Variants in BNC2 observed in about 807,000 individuals in gnomAD.
BNC2 encodes zinc finger protein basonuclin-2.
In BNC2, 20 loss-of-function variants were observed where a neutral mutation model predicts 76.3. The ratio of observed to expected loss-of-function variants is 0.26; its 90% CI spans 0.18 to 0.38. BNC2 has a LOEUF of 0.38. BNC2 is among the 10% of genes least tolerant of loss of function. The pLI is 1.00. For synonymous variants in BNC2, 582 were observed against 514.8 expected (o/e 1.13, Z -1.77); for missense variants, 1,382 against 1,399.8 (o/e 0.99, Z 0.20).
intron 5 of BNC2, among the ~76,000 whole-genome samples, chr9:16,463,586 G>A (rs1821636699): frequency 1.4e-5 from 2 of 143,448 alleles, no homozygotes; most frequent in South Asian, 2.1e-4. Flanking sequence ...GTGAGCCACC[G>A]CGCCCGGCCA....
At chr9:16,617,213 T>C (rs1198536141) in intron 3 of BNC2, among the ~76,000 whole-genome samples, 2 of 152,112 alleles carry the variant, frequency 1.3e-5, no homozygotes, top group African/African-American at 2.4e-5. Flanking sequence ...GTACTTCTTA[T>C]AGAACAAACA....
At chr9:16,585,096 T>C (rs1310290523) in intron 3 of BNC2, among the ~76,000 whole-genome samples, 1 of 152,090 alleles carries the variant, frequency 6.6e-6, no homozygotes, top group East Asian at 1.9e-4. Context: ...TGATAATATT[T>C]AATTATTTTA....
Position 16,436,642 on chromosome 9 carries a change from C to A in BNC2, c.1552G>T (p.Ala518Ser). Residue 518 changes from alanine (A) to serine (S), a missense_variant, in exon 6 of 7, where the codon GCC becomes TCC. Around this residue, in one of 3 missense-constraint regions of BNC2, gnomAD observed 798 missense variants for 775.5 expected, o/e 1.03. Transcript: ENST00000380672. The part of the protein sequence containing the change: ...KDLIRATSGA[A>S]TPVIASTKSN... ...TTTGTACTTGCTATGACAGGGGTGG[C>A]AGCTCCTGAGGTGGCCCGAATTAAA... is the stretch of plus-strand genomic sequence containing the variant. 6.2e-7 allele frequency: 1 copy of A among 1,614,012 alleles called. No homozygotes were observed. The highest frequency in any genetic ancestry group is 8.5e-7 in the Non-Finnish European group (1 of 1,179,992).
chr9:16,771,527 A>G (rs1033516219), intron 1 of BNC2, among the ~76,000 whole-genome samples: 2 of 152,222 alleles, frequency 1.3e-5, no homozygotes, highest in Non-Finnish European at 2.9e-5. Context: ...GTATAGGCAG[A>G]GTATGTGTCA....
chr9:16,504,500 T>C (rs1563814055), intron 5 of BNC2, among the ~76,000 whole-genome samples: 1 of 152,060 alleles, frequency 6.6e-6, no homozygotes, highest in African/African-American at 2.4e-5. Flanking sequence ...TGAATTCAGA[T>C]TAAAATGTAA....
intron 3 of BNC2, among the ~76,000 whole-genome samples, chr9:16,676,328 A>T (rs2134235366): frequency 6.6e-6 from 1 of 152,360 alleles, no homozygotes; most frequent in East Asian, 1.9e-4. Flanking sequence ...GTATGTACAT[A>T]CAAAATCCAT....
chr9:16,564,716 T>C (rs528469787), intron 4 of BNC2, among the ~76,000 whole-genome samples: 1 of 152,328 alleles, frequency 6.6e-6, no homozygotes, highest in South Asian at 2.1e-4. Flanking sequence ...TAGGTGCTTA[T>C]TGACAAAATG....
chr9:16,611,162 G>C (rs952538384), intron 3 of BNC2, among the ~76,000 whole-genome samples: 4 of 152,120 alleles, frequency 2.6e-5, no homozygotes, highest in African/African-American at 9.7e-5. Flanking sequence ...GTCTGTGGTT[G>C]TGCTGAATTA....
chr9:16,628,921 C>A (rs1203020896), intron 3 of BNC2, among the ~76,000 whole-genome samples: 1 of 152,064 alleles, frequency 6.6e-6, no homozygotes, highest in East Asian at 1.9e-4. Flanking sequence ...TGTCTGAAGG[C>A]AATAAGTAAT....
At chr9:16,433,298 T>A (rs1175088414) in intron 6 of BNC2, among the ~76,000 whole-genome samples, 1 of 152,244 alleles carries the variant, frequency 6.6e-6, no homozygotes, top group Admixed American at 6.5e-5. Flanking sequence ...TATTCTACAA[T>A]GTTTGCAATT....
At chr9:16,757,790 TG>T (rs1365556809) in intron 1 of BNC2, among the ~76,000 whole-genome samples, 5 of 152,112 alleles carry the variant, frequency 3.3e-5, no homozygotes, top group African/African-American at 1.2e-4. Flanking sequence ...CAAAATTAAT[TG>T]TAACAATCCA....
chr9:16,440,047 G>C (rs1821094924), intron 5 of BNC2, among the ~76,000 whole-genome samples: 1 of 152,206 alleles, frequency 6.6e-6, no homozygotes, highest in Admixed American at 6.5e-5. Context: ...TGGAACAGGG[G>C]TAACATGGAA....
intron 1 of BNC2, among the ~76,000 whole-genome samples, chr9:16,853,534 C>T (rs1486285053): frequency 1.3e-5 from 2 of 152,078 alleles, no homozygotes; most frequent in Admixed American, 1.3e-4. Context: ...TCTCCAACAC[C>T]TCCCCTCACT....
At chr9:16,434,082 A>G (rs1275785075) in intron 6 of BNC2, among the ~76,000 whole-genome samples, 1 of 152,204 alleles carries the variant, frequency 6.6e-6, no homozygotes, top group Non-Finnish European at 1.5e-5. Context: ...AACCATGTTT[A>G]CAGAACAAAG....
chr9:16,442,605 C>A lies in BNC2; in HGVS notation c.670-5081G>T, dbSNP rs547914103. ...CAGATGTGAAGAGATGGAAGAGAAA[C>A]CAAATAAGGGGCTTTGGGATAATCA... On this transcript the variant is annotated intron_variant, in intron 5 of 6. Coordinates refer to ENST00000380672, the MANE Select transcript of BNC2 (RefSeq NM_017637.6). 5.9e-5 allele frequency among the ~76,000 whole-genome samples: 9 copies of A among 152,114 alleles called. No homozygotes were observed. In the East Asian group the frequency reaches 1.6e-3, roughly 26 times the overall value.
At chr9:16,686,705 C>G (rs1822988384) in intron 3 of BNC2, among the ~76,000 whole-genome samples, 2 of 152,134 alleles carry the variant, frequency 1.3e-5, no homozygotes, top group African/African-American at 4.8e-5. Context: ...AGGTGCTTCC[C>G]TCTTTCTTTT....
Position 16,738,543 on chromosome 9 carries a change from T to C in BNC2, c.4-58A>G, listed in dbSNP as rs141004058. 2.8e-4 allele frequency: 435 copies of C among 1,529,918 alleles called. 3 individuals are homozygous for C. The African/African-American group carries it at 4.2e-3, about 15-fold the overall frequency. 94.8% of individuals were successfully genotyped at this position (1,529,918 alleles called of 1,614,324 possible). On this transcript the variant is annotated intron_variant, in intron 1 of 6. Coordinates refer to ENST00000380672, the MANE Select transcript of BNC2 (RefSeq NM_017637.6). ...GCCCAGACAGTATTACTTAAAAGCA[T>C]TGAGTACATCAAAACTTTAAGAAAT...
At chr9:16,480,795 C>G (rs942443072) in intron 5 of BNC2, among the ~76,000 whole-genome samples, 3 of 152,322 alleles carry the variant, frequency 2.0e-5, no homozygotes, top group East Asian at 1.9e-4. Flanking sequence ...CTCCCACCCC[C>G]TCCATGGGCT....
chr9:16,600,725 G>C (rs1820220726), intron 3 of BNC2, among the ~76,000 whole-genome samples: 1 of 152,064 alleles, frequency 6.6e-6, no homozygotes, highest in African/African-American at 2.4e-5. Context: ...TAATGATGCG[G>C]GGGTGCGGCG....
Sources: allele counts gnomAD v4.1 joint callset (sites outside exome capture counted in the v4.1 genomes callset), GRCh38; gene constraint gnomAD v4.1.1; regional missense constraint gnomAD v4.1.1; transcripts MANE v1.5; gene names NCBI Gene and HGNC (gene_info 2026-07-23, HGNC 2026-07-21).